DNAH10: variants seen among roughly 807,000 people sequenced by gnomAD.
DNAH10 encodes the protein axonemal beta dynein heavy chain 10.
DNAH10 carries 348 observed loss-of-function variants against 506.6 expected under a neutral mutation model. The observed-to-expected ratio is 0.69, with a 90% CI of 0.63 to 0.75. The LOEUF is 0.75. DNAH10 is among the 30% of genes least tolerant of loss of function. The pLI is 0.00. For missense variants in DNAH10, 5,179 were observed against 5,787.1 expected, an observed-to-expected ratio of 0.89 and a Z score of 3.41; for synonymous variants, 2,059 against 2,198.6, an observed-to-expected ratio of 0.94 and a Z score of 1.78.
intron 59 of DNAH10, among the ~76,000 whole-genome samples, chr12:123,911,145 C>T (rs1954050705): frequency 7.0e-6 from 1 of 142,706 alleles, no homozygotes; most frequent in African/African-American, 2.7e-5. Flanking sequence ...GCACTCCAGC[C>T]TAGGTGACAG....
At chr12:123,869,352 G>A (rs1434337094) in intron 43 of DNAH10, among the ~76,000 whole-genome samples, 1 of 151,852 alleles carries the variant, frequency 6.6e-6, no homozygotes, top group Non-Finnish European at 1.5e-5. Flanking sequence ...TTGCCTAATT[G>A]CTCTGCTGAA....
At chr12:123,811,711 G>T (rs1408934715) in intron 19 of DNAH10, among the ~76,000 whole-genome samples, 1 of 152,052 alleles carries the variant, frequency 6.6e-6, no homozygotes, top group African/African-American at 2.4e-5. Flanking sequence ...CACCATGTTA[G>T]CCAGGATGGT....
chr12:123,843,018 C>A (rs1177541293), intron 30 of DNAH10, among the ~76,000 whole-genome samples: 1 of 152,204 alleles, frequency 6.6e-6, no homozygotes, highest in Non-Finnish European at 1.5e-5. Context: ...CTTTTCTGCT[C>A]CAAAATACTG....
Position 123,778,209 on chromosome 12 carries a change from A to C in DNAH10, c.622-2871A>C, listed in dbSNP as rs987548809. 9.8e-4 allele frequency among the ~76,000 whole-genome samples: 148 copies of C among 151,764 alleles called. 2 individuals are homozygous for C. Among genetic ancestry groups the C allele is most frequent in the African/African-American group, 3.2e-3 (134 of 41,256 alleles). ...CAGAGAGATACTCCATCTCTAAAAA[A>C]AAAAAATGAAAAATAAATAAGATGA... is the stretch of plus-strand genomic sequence containing the variant. On this transcript the variant is annotated intron_variant, in intron 5 of 78. Transcript: ENST00000673944.
chr12:123,901,763 C>T lies in DNAH10; in HGVS notation c.9641-1176C>T, dbSNP rs773783219. On this transcript the variant is annotated intron_variant, in intron 56 of 78. Coordinates refer to ENST00000673944, the MANE Select transcript of DNAH10 (RefSeq NM_001372106.1). ...GCAACCTCTGCCTCCTGGGTTTAAG[C>T]GATTCTCCTGCCTCAGCCTCCTGAG... 3.0e-4 allele frequency among the ~76,000 whole-genome samples: 45 copies of T among 152,214 alleles called. 1 individual carries two copies. The highest frequency in any genetic ancestry group is 2.6e-3 in the Admixed American group (40 of 15,294).
At position 123,910,582 on chromosome 12, in the gene DNAH10, C is replaced by T; in HGVS notation, c.10044C>T (p.Val3348=). Residue 3348 remains valine, a synonymous_variant, in exon 59 of 79, where the codon GTC becomes GTT. Transcript: ENST00000673944. ...LNTTTEEMEA[V]SKAGLGMLKF... ...CCACAACTGAAGAAATGGAAGCTGTCAGCAAAGCCGGGCTGGGGATGCTGA... is the reference window on the plus strand; with the variant it reads ...CCACAACTGAAGAAATGGAAGCTGTTAGCAAAGCCGGGCTGGGGATGCTGA... 6.2e-7 allele frequency: 1 copy of T among 1,613,748 alleles called. No individual in the cohort carries two copies. Among genetic ancestry groups the T allele is most frequent in the South Asian group, 1.1e-5 (1 of 91,072 alleles).
intron 37 of DNAH10, among the ~76,000 whole-genome samples, chr12:123,858,411 C>T (rs147348224): frequency 2.6e-5 from 4 of 152,208 alleles, no homozygotes; most frequent in East Asian, 1.9e-4. Context: ...CGGCCGTGGA[C>T]GAGAGCTTTC....
chr12:123,842,195 G>A (rs891181333), intron 30 of DNAH10, among the ~76,000 whole-genome samples: 1 of 152,228 alleles, frequency 6.6e-6, no homozygotes, highest in African/African-American at 2.4e-5. Context: ...GCTCTCAGGG[G>A]ATTCCCAGCA....
At chr12:123,767,769 C>A in intron 2 of DNAH10, 80 bp downstream of exon 2, 1 of 1,214,790 alleles carries the variant, frequency 8.2e-7, no homozygotes, top group Non-Finnish European at 1.2e-6. Flanking sequence ...GCCTGCCGTG[C>A]CACAATCAGT....
rs1207114586 is a variant in DNAH10 at position 123,935,380 on chromosome 12, G to GC, written c.13671dup (p.Met4558HisfsTer8). 2 of 1,611,580 alleles carry GC rather than the reference G, an allele frequency of 1.2e-6. No homozygotes were observed. Among genetic ancestry groups the GC allele is most frequent in the Middle Eastern group, 1.6e-4 (1 of 6,082 alleles). The stretch of plus-strand genomic sequence containing the variant: ...CTACACCACCTCCATGAGAAGGAAC[G>GC]CCATGGGAGTCGGCTTGGTTTTTGA... On this transcript the variant is annotated frameshift_variant, in exon 79 of 79. Coordinates refer to ENST00000673944, the MANE Select transcript of DNAH10 (RefSeq NM_001372106.1). LOFTEE classifies it high-confidence loss of function.
chr12:123,848,866 A>T lies in DNAH10; in HGVS notation c.6086A>T (p.Gln2029Leu), dbSNP rs752517389. 4 of 1,613,632 alleles carry T rather than the reference A, an allele frequency of 2.5e-6. No individual in the cohort carries two copies. The highest frequency in any genetic ancestry group is 3.4e-6 in the Non-Finnish European group (4 of 1,179,842). ...IQTIRNALIH[Q>L]LTTFQFEGQE... is the part of the protein sequence containing the mutation. Reference sequence around the variant, plus strand: ...ACGATCCGAAATGCTCTGATCCATCAGTTAACCACGTTCCAGGTGAGACAC... The same window carrying T: ...ACGATCCGAAATGCTCTGATCCATCTGTTAACCACGTTCCAGGTGAGACAC... The change falls in exon 34 of 79, where the codon CAG (glutamine) becomes CTG (leucine). Residue 2029 changes from glutamine to leucine, a missense_variant. Physicochemically the swap from Gln to Leu is moderately radical, Grantham distance 113. Coordinates refer to ENST00000673944, the MANE Select transcript of DNAH10 (RefSeq NM_001372106.1).
chr12:123,813,382 C>T lies in DNAH10; in HGVS notation c.3363C>T (p.Asp1121=). The change falls in exon 20 of 79, where the codon GAC becomes GAT. Residue 1121 remains aspartate (D), a synonymous_variant. Transcript: ENST00000673944. ...WKRYRPLWKL[D]KAIVMEKFAA... ...GGTATCGACCTCTCTGGAAATTGGACAAAGCTATTGTGATGGAGAAATTTG... is the reference window on the plus strand; with the variant it reads ...GGTATCGACCTCTCTGGAAATTGGATAAAGCTATTGTGATGGAGAAATTTG... 6.2e-7 allele frequency: 1 copy of T among 1,614,188 alleles called. No homozygotes were observed. Among genetic ancestry groups the T allele is most frequent in the Non-Finnish European group, 8.5e-7 (1 of 1,180,040 alleles).
At chr12:123,885,572 G>A (rs543516649) in intron 51 of DNAH10, among the ~76,000 whole-genome samples, 60 of 151,966 alleles carry the variant, frequency 3.9e-4, no homozygotes, top group Non-Finnish European at 7.2e-4. Context: ...ACCAGATTTC[G>A]CACTGGGAAG....
chr12:123,785,656 A>ATT lies in DNAH10; in HGVS notation c.1231-90_1231-89insTT. On this transcript the variant is annotated intron_variant, in intron 8 of 78. Transcript: ENST00000673944. The surrounding 1 kb of genome is among the most constrained non-coding windows in gnomAD (Gnocchi z 4.1). ...TCAAGGAAAAAAAAAAAAAAAAAAG[A>ATT]GTGAAACTTCTTGCATGCTTACTGT... 5 of 875,588 alleles carry ATT rather than the reference A, an allele frequency of 5.7e-6. No individual in the cohort carries two copies. The highest frequency in any genetic ancestry group is 6.5e-6 in the Non-Finnish European group (4 of 617,490). The allele number at this position is 875,588 out of a possible 1,614,324, so 54.2% of individuals were successfully genotyped here.
intron 56 of DNAH10, 29 bp downstream of exon 56, chr12:123,898,843 A>C: frequency 6.3e-7 from 1 of 1,579,374 alleles, no homozygotes; most frequent in Non-Finnish European, 8.6e-7. Flanking sequence ...AGGGCAGCCC[A>C]TCCCCAACAC....
At chr12:123,842,718 A>T (rs1340629302) in intron 30 of DNAH10, among the ~76,000 whole-genome samples, 1 of 152,170 alleles carries the variant, frequency 6.6e-6, no homozygotes, top group African/African-American at 2.4e-5. Flanking sequence ...GTCTGGAAAA[A>T]ATTTTTTTAA....
rs555817478 is a variant in DNAH10 at position 123,813,844 on chromosome 12, C to T, written c.3712C>T (p.Leu1238=). ...AATTGCAGAAATTAGAAGTAAATCT[C>T]TAGTCATGGAACTCAGATATAGGGA... ...ATIAEIRSKS[L]VMELRYRDVQ... is the part of the protein sequence containing the mutation. The change falls in exon 21 of 79, where the codon CTA becomes TTA. Residue 1238 remains leucine (L), a synonymous_variant. Coordinates refer to ENST00000673944, the MANE Select transcript of DNAH10 (RefSeq NM_001372106.1). The T allele has an allele frequency of 3.0e-5, 49 of 1,613,506 alleles. No homozygotes were observed. In the East Asian group the frequency reaches 1.0e-3, roughly 34 times the overall value.
At position 123,787,720 on chromosome 12, in the gene DNAH10, G is replaced by A; in HGVS notation, c.1422-84G>A. The A allele has an allele frequency of 6.6e-7, 1 of 1,519,264 alleles. No individual in the cohort carries two copies. The highest frequency in any genetic ancestry group is 8.9e-7 in the Non-Finnish European group (1 of 1,117,670). The allele number at this position is 1,519,264 out of a possible 1,614,324, so 94.1% of individuals were successfully genotyped here. A position where few individuals can be genotyped will look rare whatever the true frequency, so the allele number is the denominator to read the frequency against. Reference sequence around the variant, plus strand: ...GGGGGCGCCCGGGTCAGAGCTTCACGGGACACTGGCTCCCCAGCCGGGGAG... The same window carrying A: ...GGGGGCGCCCGGGTCAGAGCTTCACAGGACACTGGCTCCCCAGCCGGGGAG... On this transcript the variant is annotated intron_variant, in intron 9 of 78. Coordinates refer to ENST00000673944, the MANE Select transcript of DNAH10 (RefSeq NM_001372106.1). The surrounding 1 kb of genome is among the most constrained non-coding windows in gnomAD (Gnocchi z 4.6).
intron 55 of DNAH10, among the ~76,000 whole-genome samples, chr12:123,898,433 A>AC (rs1373560460): frequency 6.6e-6 from 1 of 152,212 alleles, no homozygotes; most frequent in African/African-American, 2.4e-5. Flanking sequence ...GCTTTTTAAA[A>AC]AGTGCTCTGG....
Sources: gnomAD v4.1 joint callset for allele counts (sites outside exome capture counted in the v4.1 genomes callset) on GRCh38, gnomAD v4.1.1 for gene constraint, Gnocchi (gnomAD v3.1) non-coding constraint, MANE v1.5 for transcripts, NCBI Gene and HGNC (gene_info 2026-07-23, HGNC 2026-07-21) for gene names.